Variants in M1AP observed in about 807,000 individuals in gnomAD.
M1AP encodes the protein meiosis 1 arrest protein.
Under a neutral mutation model 51.2 loss-of-function variants are expected in M1AP, and 39 were observed. The ratio of observed to expected loss-of-function variants is 0.76; its 90% CI spans 0.59 to 1.00. The LOEUF (loss-of-function observed/expected upper bound fraction) is 1.00, where lower values mean the gene tolerates loss of function less well. M1AP is among the 50% of genes least tolerant of loss of function. M1AP has a pLI of 0.00. For synonymous variants in M1AP, 251 were observed against 249.2 expected (o/e 1.01, Z -0.07); for missense variants, 545 against 641.2 (o/e 0.85, Z 1.62).
intron 8 of M1AP, 113 bp downstream of exon 8, chr2:74,562,104 C>T: frequency 6.8e-7 from 1 of 1,480,636 alleles, no homozygotes; most frequent in South Asian, 1.5e-5. Flanking sequence ...ACTCTCTTAC[C>T]ACACTCCTTC....
intron 1 of M1AP, among the ~76,000 whole-genome samples, chr2:74,645,449 T>C (rs919337704): frequency 6.6e-6 from 1 of 152,170 alleles, no homozygotes; most frequent in African/African-American, 2.4e-5. Context: ...GGGACTCAAC[T>C]CTGCAGGAAG....
intron 7 of M1AP, among the ~76,000 whole-genome samples, chr2:74,562,626 CAGAG>C (rs1022847926): frequency 2.0e-5 from 3 of 152,060 alleles, no homozygotes; most frequent in Non-Finnish European, 4.4e-5. Flanking sequence ...TGAGATATGC[CAGAG>C]AGAGTATATA....
rs373132917 is a variant in M1AP at position 74,581,773 on chromosome 2, T to C, written c.670A>G (p.Lys224Glu). 1.9e-6 allele frequency: 3 copies of C among 1,613,982 alleles called. No individual in the cohort carries two copies. In the African/African-American group the frequency reaches 4.0e-5, roughly 22 times the overall value. Residue 224 changes from lysine (K) to glutamate (E), a missense_variant, in exon 5 of 11, where the codon AAA becomes GAA. Transcript: ENST00000421985. ...NDIVSMEIFFKAWLHNSGTDQ... is the reference protein window; with the variant it reads ...NDIVSMEIFFEAWLHNSGTDQ... ...GTTCCACTGTTATGTAGCCAGGCTT[T>C]GAAGAAAATCTCCATGCTGACGATA...
At chr2:74,588,935 A>G (rs1679876284) in intron 4 of M1AP, among the ~76,000 whole-genome samples, 1 of 152,246 alleles carries the variant, frequency 6.6e-6, no homozygotes. Flanking sequence ...GTCATCAAGA[A>G]AAGAGACAAA....
intron 7 of M1AP, among the ~76,000 whole-genome samples, chr2:74,565,335 ATC>A (rs917614111): frequency 2.2e-4 from 33 of 152,360 alleles, no homozygotes; most frequent in Admixed American, 1.8e-3. Flanking sequence ...ATAGATCAAT[ATC>A]TCTTATTAAT....
intron 2 of M1AP, chr2:74,628,836 C>T (rs532575325): frequency 8.9e-6 from 4 of 449,790 alleles, no homozygotes; most frequent in South Asian, 3.8e-5. Context: ...GAAAACGATA[C>T]CACTGAATAT....
At position 74,560,297 on chromosome 2, in the gene M1AP, G is replaced by A. The variant is rs770632062; in HGVS notation, c.1282-6C>T. The A allele has an allele frequency of 2.5e-6, 4 of 1,583,902 alleles. No homozygotes were observed. The highest frequency in any genetic ancestry group is 2.3e-5 in the South Asian group (2 of 86,738). ...TCCAGGCTGTCCAGCATGCTCTGAG[G>A]AAAAGAGAGGAGGGGCCTCACTAGG... On this transcript the variant is annotated splice_region_variant and splice_polypyrimidine_tract_variant and intron_variant, in intron 8 of 10. Transcript: ENST00000421985.
At chr2:74,564,372 C>T (rs917574251) in intron 7 of M1AP, among the ~76,000 whole-genome samples, 5 of 152,166 alleles carry the variant, frequency 3.3e-5, no homozygotes, top group Non-Finnish European at 5.9e-5. Flanking sequence ...AGGTATGTAC[C>T]ATTCCTGCGG....
At chr2:74,645,920 TTTAG>T (rs1313574422) in intron 1 of M1AP, among the ~76,000 whole-genome samples, 2 of 152,216 alleles carry the variant, frequency 1.3e-5, no homozygotes, top group Non-Finnish European at 2.9e-5. Context: ...GTTACTACAG[TTTAG>T]TTAATTAACA....
intron 2 of M1AP, among the ~76,000 whole-genome samples, chr2:74,626,232 GT>G (rs1460578362): frequency 6.9e-6 from 1 of 144,492 alleles, no homozygotes; most frequent in East Asian, 2.0e-4. Context: ...TATTATCATA[GT>G]TTAATATGTT....
chr2:74,603,358 G>A (rs1680782960), intron 4 of M1AP, among the ~76,000 whole-genome samples: 2 of 152,202 alleles, frequency 1.3e-5, no homozygotes, highest in South Asian at 4.1e-4. Context: ...ATATCAAGTA[G>A]TTTACAATTT....
intron 7 of M1AP, among the ~76,000 whole-genome samples, chr2:74,571,313 C>A (rs1308506163): frequency 6.6e-6 from 1 of 152,088 alleles, no homozygotes; most frequent in East Asian, 1.9e-4. Context: ...AGGTTTCAAG[C>A]CTGGGTGACT....
At chr2:74,579,843 T>C (rs2104583185) in intron 5 of M1AP, among the ~76,000 whole-genome samples, 1 of 152,342 alleles carries the variant, frequency 6.6e-6, no homozygotes, top group South Asian at 2.1e-4. Context: ...GGTCTCACTC[T>C]GTTGCCCAGG....
chr2:74,611,030 T>C (rs1472334701), intron 3 of M1AP, among the ~76,000 whole-genome samples: 1 of 152,216 alleles, frequency 6.6e-6, no homozygotes, highest in East Asian at 1.9e-4. Context: ...CTCTTGATTA[T>C]GGTAATCCCT....
chr2:74,598,690 T>C (rs1379750236), intron 4 of M1AP, among the ~76,000 whole-genome samples: 2 of 150,530 alleles, frequency 1.3e-5, no homozygotes, highest in Admixed American at 6.7e-5. Context: ...AGTGGTGTGA[T>C]CTTCATTTAT....
chr2:74,602,530 C>T (rs977422611), intron 4 of M1AP, among the ~76,000 whole-genome samples: 9 of 152,134 alleles, frequency 5.9e-5, no homozygotes, highest in African/African-American at 1.9e-4. Flanking sequence ...AAATACCTTG[C>T]CTAAAGTTGC....
intron 5 of M1AP, among the ~76,000 whole-genome samples, chr2:74,579,678 T>C (rs1679289394): frequency 6.6e-6 from 1 of 152,186 alleles, no homozygotes; most frequent in Non-Finnish European, 1.5e-5. Flanking sequence ...CTCTAAGTCC[T>C]TACTTACTAC....
intron 7 of M1AP, among the ~76,000 whole-genome samples, chr2:74,564,393 CTT>C (rs1678238096): frequency 6.6e-6 from 1 of 152,148 alleles, no homozygotes; most frequent in Non-Finnish European, 1.5e-5. Flanking sequence ...TTGCTGACCT[CTT>C]TGTGGGGTAG....
rs75260478 is a variant in M1AP, at chr2:74,568,533, C to T, written c.1075-6110G>A. 1.8e-4 allele frequency among the ~76,000 whole-genome samples: 27 copies of T among 152,224 alleles called. 1 individual carries two copies. The East Asian group carries it at 5.0e-3, about 28-fold the overall frequency. Reference sequence around the variant, plus strand: ...AGAAGCTGAGAATCCAAGACTTCCACCTGTGGAGGCAAGTTCAGGAGAACA... The same window carrying T: ...AGAAGCTGAGAATCCAAGACTTCCATCTGTGGAGGCAAGTTCAGGAGAACA... On this transcript the variant is annotated intron_variant, in intron 7 of 10. Transcript: ENST00000421985.
Sources: gnomAD v4.1 joint callset for allele counts (sites outside exome capture counted in the v4.1 genomes callset) on GRCh38, gnomAD v4.1.1 for gene constraint, MANE v1.5 for transcripts, NCBI Gene and HGNC (gene_info 2026-07-23, HGNC 2026-07-21) for gene names.